Variants in CNTN5 observed in about 807,000 individuals in gnomAD.
CNTN5 encodes the protein contactin 5.
A neutral mutation model predicts 129.1 loss-of-function variants in CNTN5; 77 were observed. That is an observed-to-expected ratio of 0.60 (90% CI 0.50 to 0.72). CNTN5 has a LOEUF of 0.72. Ranked by LOEUF, CNTN5 falls within the 30% of genes least tolerant of loss-of-function variation. CNTN5 has a pLI of 0.00. For missense variants in CNTN5, 1,478 were observed against 1,328.8 expected (o/e 1.11, Z -1.75); for synonymous variants, 509 against 465.6 (o/e 1.09, Z -1.20).
chr11:99,642,419 G>A (rs765067258), intron 3 of CNTN5, among the ~76,000 whole-genome samples: 11 of 152,086 alleles, frequency 7.2e-5, no homozygotes, highest in East Asian at 5.8e-4. Flanking sequence ...CCATATGTGC[G>A]AAATGCTGAA....
intron 18 of CNTN5, among the ~76,000 whole-genome samples, chr11:100,295,651 A>C (rs1412088937): frequency 6.6e-6 from 1 of 151,406 alleles, no homozygotes; most frequent in Non-Finnish European, 1.5e-5. Flanking sequence ...CCTACTCTAA[A>C]ACTGTAATCT....
At chr11:99,269,950 A>C (rs931466034) in intron 1 of CNTN5, among the ~76,000 whole-genome samples, 6 of 151,854 alleles carry the variant, frequency 4.0e-5, no homozygotes. Flanking sequence ...CTTGGGAAAA[A>C]ATGCAGAAGA....
chr11:99,454,958 A>G (rs1944443776), intron 2 of CNTN5, among the ~76,000 whole-genome samples: 1 of 152,126 alleles, frequency 6.6e-6, no homozygotes, highest in Non-Finnish European at 1.5e-5. Flanking sequence ...ACACAAAGCC[A>G]TTGGTTTGTT....
At chr11:99,208,567 GCTGTTTGTATTGCA>G (rs6144467) in intron 1 of CNTN5, among the ~76,000 whole-genome samples, 14,406 of 152,082 alleles carry the variant, frequency 0.095, 1,251 homozygotes, top group East Asian at 0.4. Flanking sequence ...TGGAAAGTAA[GCTGTTTGTATTGCA>G]CTGTTTATAA....
intron 21 of CNTN5, among the ~76,000 whole-genome samples, chr11:100,338,705 T>C (rs1420292223): frequency 6.6e-6 from 1 of 152,066 alleles, no homozygotes. Context: ...AACAGGCACA[T>C]GTGGATAAAT....
At chr11:99,952,181 T>A (rs550520388) in intron 7 of CNTN5, among the ~76,000 whole-genome samples, 20 of 152,330 alleles carry the variant, frequency 1.3e-4, no homozygotes, top group African/African-American at 4.3e-4. Context: ...TTCTCTACAA[T>A]TTCTATCATA....
chr11:100,117,204 G>A (rs960799017), intron 13 of CNTN5, among the ~76,000 whole-genome samples: 17 of 151,852 alleles, frequency 1.1e-4, no homozygotes, highest in Non-Finnish European at 1.0e-4. Context: ...ATCACTCTAC[G>A]TACCATCACT....
intron 3 of CNTN5, among the ~76,000 whole-genome samples, chr11:99,665,513 C>T (rs2510968): frequency 0.69 from 93,457 of 134,936 alleles, 32,899 homozygotes; most frequent in Admixed American, 0.79. Flanking sequence ...TGAGACAGAG[C>T]CTTGCTCTGT....
At chr11:99,564,983 C>A (rs192698173) in intron 3 of CNTN5, among the ~76,000 whole-genome samples, 1 of 152,198 alleles carries the variant, frequency 6.6e-6, no homozygotes, top group East Asian at 1.9e-4. Flanking sequence ...AGACTATGGC[C>A]AGTAATTATT....
chr11:99,205,526 G>A (rs1210938741), intron 1 of CNTN5, among the ~76,000 whole-genome samples: 4 of 152,174 alleles, frequency 2.6e-5, no homozygotes. Context: ...GAAAATGTTT[G>A]TTGGACAAAG....
At chr11:99,218,157 T>C (rs1860223918) in intron 1 of CNTN5, among the ~76,000 whole-genome samples, 2 of 152,130 alleles carry the variant, frequency 1.3e-5, no homozygotes, top group Admixed American at 6.6e-5. Flanking sequence ...TGTCACCTCG[T>C]GTATGAAGGT....
chr11:99,667,151 A>G (rs2135934998), intron 3 of CNTN5, among the ~76,000 whole-genome samples: 1 of 152,162 alleles, frequency 6.6e-6, no homozygotes, highest in Admixed American at 6.5e-5. Context: ...TTATCCTTGA[A>G]TCATAGTTGT....
intron 16 of CNTN5, among the ~76,000 whole-genome samples, chr11:100,238,236 G>A (rs1565363905): frequency 6.6e-6 from 1 of 151,906 alleles, no homozygotes; most frequent in Non-Finnish European, 1.5e-5. Context: ...AATTTCAGTA[G>A]TTTAATTAAA....
chr11:99,576,278 C>T (rs1037303542), intron 3 of CNTN5, among the ~76,000 whole-genome samples: 1 of 151,998 alleles, frequency 6.6e-6, no homozygotes, highest in Non-Finnish European at 1.5e-5. Flanking sequence ...TGTTTTAATA[C>T]CTTAAGGTAT....
chr11:99,632,583 T>G (rs1295788206), intron 3 of CNTN5, among the ~76,000 whole-genome samples: 1 of 152,158 alleles, frequency 6.6e-6, no homozygotes, highest in Non-Finnish European at 1.5e-5. Context: ...ACTGCAGGCT[T>G]GTGGCCTGAA....
intron 3 of CNTN5, among the ~76,000 whole-genome samples, chr11:99,726,378 C>T (rs191944198): frequency 1.3e-5 from 2 of 152,200 alleles, no homozygotes; most frequent in Non-Finnish European, 1.5e-5. Flanking sequence ...CCCATTGTTG[C>T]TTTATCTTTT....
At chr11:99,685,502 A>T (rs951133617) in intron 3 of CNTN5, among the ~76,000 whole-genome samples, 1 of 152,028 alleles carries the variant, frequency 6.6e-6, no homozygotes, top group African/African-American at 2.4e-5. Context: ...TATTTTTGTC[A>T]ATTTCAGCTT....
intron 3 of CNTN5, among the ~76,000 whole-genome samples, chr11:99,776,522 T>C (rs1333031580): frequency 6.6e-6 from 1 of 151,880 alleles, no homozygotes; most frequent in Non-Finnish European, 1.5e-5. Context: ...GCTTAAAATA[T>C]ATATATTGAA....
chr11:99,381,264 G>A (rs185738941), intron 2 of CNTN5, among the ~76,000 whole-genome samples: 136 of 152,222 alleles, frequency 8.9e-4, no homozygotes, highest in Middle Eastern at 3.4e-3. Flanking sequence ...GGGAATGGGG[G>A]GAAGAGACAT....
Sources: allele counts gnomAD v4.1 joint callset (sites outside exome capture counted in the v4.1 genomes callset), GRCh38; gene constraint gnomAD v4.1.1; transcripts MANE v1.5; gene names NCBI Gene and HGNC (gene_info 2026-07-23, HGNC 2026-07-21).